The following DGKB variants were observed in gnomAD, a reference collection of about 807,000 sequenced individuals.
The protein encoded by DGKB is diacylglycerol kinase beta.
In DGKB, 67 loss-of-function variants were observed where a neutral mutation model predicts 114.3. The observed-to-expected ratio is 0.59, with a 90% confidence interval of 0.48 to 0.72. The LOEUF (loss-of-function observed/expected upper bound fraction) is 0.72. Among genes scored for constraint, DGKB ranks in the 30% least tolerant of loss-of-function variants. The probability of loss-of-function intolerance (pLI) is 0.00; values close to 1 mark genes in which losing one functional copy is unlikely to be tolerated. For synonymous variants in DGKB, 398 were observed against 323.1 expected (o/e 1.23, Z -2.49); for missense variants, 907 against 975.2 (o/e 0.93, Z 0.93).
In DGKB at chr7:14,475,579, C is replaced by T. The variant is rs146776767; in HGVS notation, c.1835+2582G>A. Among the ~76,000 whole-genome samples, 553 of 152,220 alleles carry T rather than the reference C, an allele frequency of 3.6e-3. 2 individuals carry two copies. The highest frequency in any genetic ancestry group is 6.3e-3 in the Non-Finnish European group (431 of 67,990). On this transcript the variant is annotated intron_variant, in intron 21 of 25. Coordinates refer to ENST00000402815, the MANE Select transcript of DGKB (RefSeq NM_001350709.2). ...TTGAACATCTACTCTATACCTGGTT[C>T]TTGAACTCGCAATAGAAACCTGTGA...
chr7:14,287,560 A>G (rs560806742), intron 23 of DGKB, among the ~76,000 whole-genome samples: 11 of 152,270 alleles, frequency 7.2e-5, no homozygotes, highest in Admixed American at 6.5e-5. Context: ...CACGGTCTAC[A>G]TGACTGATAA....
At chr7:14,187,103 A>C (rs1584330904) in intron 23 of DGKB, among the ~76,000 whole-genome samples, 1 of 152,382 alleles carries the variant, frequency 6.6e-6, no homozygotes, top group African/African-American at 2.4e-5. Flanking sequence ...ACCTTAAAAT[A>C]GTCCAGCAAA....
At chr7:14,723,149 T>C (rs1209821947) in intron 5 of DGKB, among the ~76,000 whole-genome samples, 1 of 152,092 alleles carries the variant, frequency 6.6e-6, no homozygotes, top group Non-Finnish European at 1.5e-5. Context: ...AATCTAATGG[T>C]TATTCAGAAG....
intron 12 of DGKB, among the ~76,000 whole-genome samples, chr7:14,679,752 T>G (rs191374506): frequency 3.9e-5 from 6 of 152,180 alleles, no homozygotes; most frequent in Admixed American, 3.9e-4. Flanking sequence ...GCAGTAGTAG[T>G]AGATACTCAT....
intron 20 of DGKB, among the ~76,000 whole-genome samples, chr7:14,533,904 AG>A (rs964016557): frequency 8.6e-5 from 13 of 152,046 alleles, no homozygotes; most frequent in African/African-American, 3.1e-4. Context: ...TCCTGCAAGA[AG>A]TACTAAGGAA....
intron 13 of DGKB, among the ~76,000 whole-genome samples, chr7:14,660,354 A>C (rs1816779651): frequency 6.6e-6 from 1 of 151,760 alleles, no homozygotes; most frequent in Non-Finnish European, 1.5e-5. Flanking sequence ...CTGTGAATCC[A>C]TCTGGTCCTG....
In DGKB at chr7:14,281,605, T is replaced by A. The variant is rs895301854; in HGVS notation, c.2122+56910A>T. On this transcript the variant is annotated intron_variant, in intron 23 of 25. Transcript: ENST00000402815. ...ACCTATTCCAAAATTGACCACATAC[T>A]TGGAAGTAAAGCTCTCCTCAGCTAA... 2.4e-3 allele frequency among the ~76,000 whole-genome samples: 348 copies of A among 147,600 alleles called. 3 individuals are homozygous for A. Among genetic ancestry groups the A allele is most frequent in the Non-Finnish European group, 4.1e-3 (276 of 67,214 alleles).
upstream of DGKB, among the ~76,000 whole-genome samples, chr7:14,905,006 A>G (rs1482694486): frequency 6.6e-6 from 1 of 152,244 alleles, no homozygotes; most frequent in East Asian, 1.9e-4. Context: ...TTTGTAGTTT[A>G]GCAGGGTTTT....
intron 13 of DGKB, among the ~76,000 whole-genome samples, chr7:14,644,207 T>C (rs964971052): frequency 6.6e-6 from 1 of 151,432 alleles, no homozygotes; most frequent in Admixed American, 6.6e-5. Context: ...TATAGATACA[T>C]CTACAGGAAA....
At chr7:14,968,680 A>C (rs1385582298) in intron 1 of DGKB, among the ~76,000 whole-genome samples, 1 of 152,154 alleles carries the variant, frequency 6.6e-6, no homozygotes, top group Non-Finnish European at 1.5e-5. Flanking sequence ...TTCTTTACCC[A>C]AAAATTCCCA....
chr7:14,512,716 A>C (rs993375630), intron 20 of DGKB, among the ~76,000 whole-genome samples: 1 of 152,030 alleles, frequency 6.6e-6, no homozygotes, highest in Admixed American at 6.6e-5. Context: ...TTCTCTACTA[A>C]ATGTGATTAG....
At chr7:14,220,833 T>C (rs535942177) in intron 23 of DGKB, among the ~76,000 whole-genome samples, 164 of 150,362 alleles carry the variant, frequency 1.1e-3, no homozygotes, top group African/African-American at 4.0e-3. Flanking sequence ...GTTTTCTTTC[T>C]TTTAATTTTT....
chr7:14,596,125 T>C (rs1411967847), intron 17 of DGKB, among the ~76,000 whole-genome samples: 1 of 152,148 alleles, frequency 6.6e-6, no homozygotes, highest in East Asian at 1.9e-4. Flanking sequence ...ACTTTACACA[T>C]AAACATGCCT....
intron 2 of DGKB, among the ~76,000 whole-genome samples, chr7:14,777,726 T>A (rs901236431): frequency 1.3e-5 from 2 of 152,208 alleles, no homozygotes; most frequent in African/African-American, 2.4e-5. Flanking sequence ...ATTAGTAGTG[T>A]GACAATGGAC....
intron 21 of DGKB, among the ~76,000 whole-genome samples, chr7:14,395,610 G>T (rs1822090342): frequency 6.6e-6 from 1 of 151,570 alleles, no homozygotes; most frequent in Non-Finnish European, 1.5e-5. Flanking sequence ...AAATTTCAGA[G>T]AACTACCATG....
chr7:14,407,767 A>T (rs1378966728), intron 21 of DGKB, among the ~76,000 whole-genome samples: 1 of 152,136 alleles, frequency 6.6e-6, no homozygotes, highest in Non-Finnish European at 1.5e-5. Flanking sequence ...ATAAGAATGA[A>T]GACAAATGCT....
intron 6 of DGKB, among the ~76,000 whole-genome samples, chr7:14,707,089 A>G (rs900606168): frequency 2.1e-5 from 3 of 146,310 alleles, no homozygotes; most frequent in Non-Finnish European, 4.5e-5. Context: ...TAAAGAAAAA[A>G]AGAGAGAAGA....
chr7:14,531,894 A>G (rs1584619299), intron 20 of DGKB, among the ~76,000 whole-genome samples: 1 of 151,358 alleles, frequency 6.6e-6, no homozygotes, highest in Non-Finnish European at 1.5e-5. Flanking sequence ...TAGATTTTTG[A>G]GAAGGGCATC....
intron 23 of DGKB, among the ~76,000 whole-genome samples, chr7:14,215,802 A>T (rs1427235860): frequency 6.6e-6 from 1 of 152,222 alleles, no homozygotes; most frequent in Admixed American, 6.5e-5. Flanking sequence ...CAATGAAATT[A>T]TATGCAAATG....
Sources: gnomAD v4.1 joint callset for allele counts (sites outside exome capture counted in the v4.1 genomes callset) on GRCh38, gnomAD v4.1.1 for gene constraint, MANE v1.5 for transcripts, NCBI Gene and HGNC (gene_info 2026-07-23, HGNC 2026-07-21) for gene names.